The following RYR2 variants were observed in gnomAD, a reference collection of about 807,000 sequenced individuals.
The protein encoded by RYR2 is cardiac muscle ryanodine receptor-calcium release channel.
RYR2 carries 227 observed loss-of-function variants against 601.1 expected under a neutral mutation model. The observed-to-expected ratio is 0.38, with a 90% CI of 0.34 to 0.42. RYR2 has a LOEUF of 0.42. Among genes scored for constraint, RYR2 ranks in the 10% least tolerant of loss-of-function variants. The pLI is 1.00. For missense variants in RYR2, 4,646 were observed against 6,156.5 expected (o/e 0.75, Z 8.21); for synonymous variants, 2,223 against 2,175.1 (o/e 1.02, Z -0.61).
chr1:237,152,934 TTA>T (rs1455177791), intron 1 of RYR2, among the ~76,000 whole-genome samples: 1 of 152,134 alleles, frequency 6.6e-6, no homozygotes, highest in African/African-American at 2.4e-5. Flanking sequence ...TATCCAGAAT[TTA>T]CAAGGGACTT....
chr1:237,563,789 A>G (rs557941693), intron 27 of RYR2, among the ~76,000 whole-genome samples: 32 of 152,140 alleles, frequency 2.1e-4, no homozygotes, highest in Non-Finnish European at 4.1e-4. Context: ...GATTTGTGCT[A>G]ATATTAAAAT....
Position 237,793,959 on chromosome 1 carries a change from T to G in RYR2, c.13875T>G (p.Asp4625Glu), listed in dbSNP as rs375350387. 6.2e-7 allele frequency: 1 copy of G among 1,611,798 alleles called. No individual in the cohort carries two copies. The highest frequency in any genetic ancestry group is 1.3e-5 in the African/African-American group (1 of 74,880). ...LYITEQPSED[D>E]IKGQWDRLVI... ...TTACAGAACAGCCTTCAGAAGATGA[T>G]ATTAAAGGCCAGTGGGATAGACTCG... Residue 4625 changes from aspartate to glutamate, a missense_variant, in exon 95 of 105, where the codon GAT (aspartate) becomes GAG (glutamate). Physicochemically the swap from Asp to Glu is conservative, Grantham distance 45. Around this residue, in one of 17 missense-constraint regions of RYR2, gnomAD observed 37 missense variants for 102.8 expected, o/e 0.36. Coordinates refer to ENST00000366574, the MANE Select transcript of RYR2 (RefSeq NM_001035.3).
chr1:237,167,946 A>G (rs1437540212), intron 1 of RYR2, among the ~76,000 whole-genome samples: 2 of 152,122 alleles, frequency 1.3e-5, no homozygotes, highest in African/African-American at 4.8e-5. Context: ...AAAAATTTGC[A>G]TGTTAGGAGC....
At chr1:237,568,163 G>A (rs1672291953) in intron 28 of RYR2, among the ~76,000 whole-genome samples, 1 of 152,136 alleles carries the variant, frequency 6.6e-6, no homozygotes, top group South Asian at 2.1e-4. Context: ...TTGGGAACAG[G>A]CATGGGGTGG....
intron 31 of RYR2, 120 bp from the exon 32 acceptor site, chr1:237,591,619 G>C (rs1675210633): frequency 2.7e-6 from 2 of 745,406 alleles, no homozygotes; most frequent in East Asian, 5.5e-5. Flanking sequence ...GATATTCCCA[G>C]ATGTCCCCCA....
Position 237,569,156 on chromosome 1 carries a change from G to A in RYR2, c.3435G>A (p.Trp1145Ter). The change falls in exon 29 of 105, where the codon TGG becomes TGA. Residue 1145 changes from tryptophan (W) to a stop codon, truncating the protein, a stop_gained. Coordinates refer to ENST00000366574, the MANE Select transcript of RYR2 (RefSeq NM_001035.3). LOFTEE classifies it high-confidence loss of function. ...TGTCCTCTGTATAGGCCCAGCGGTGGCATCAGGGCAATGAACACTATGGGC... is the reference window on the plus strand; with the variant it reads ...TGTCCTCTGTATAGGCCCAGCGGTGACATCAGGGCAATGAACACTATGGGC... The part of the protein sequence containing the change: ...FAFDGFKAQR[W>*]HQGNEHYGRS... 6.2e-7 allele frequency: 1 copy of A among 1,613,454 alleles called. No homozygotes were observed.
intron 14 of RYR2, among the ~76,000 whole-genome samples, chr1:237,450,384 G>A (rs1657939352): frequency 6.6e-6 from 1 of 152,088 alleles, no homozygotes; most frequent in Admixed American, 6.5e-5. Context: ...CTGCTCCATG[G>A]CCTGGAAATT....
chr1:237,703,038 T>C (rs1462295873), intron 66 of RYR2, among the ~76,000 whole-genome samples: 2 of 152,018 alleles, frequency 1.3e-5, no homozygotes, highest in Non-Finnish European at 2.9e-5. Context: ...ATTTTTGACA[T>C]GTTGGCTGTT....
chr1:237,414,072 A>C (rs921586315), intron 10 of RYR2, among the ~76,000 whole-genome samples: 22 of 152,096 alleles, frequency 1.4e-4, no homozygotes, highest in Admixed American at 1.1e-3. Flanking sequence ...CGATGAGTAA[A>C]AGTCTTTAAA....
intron 12 of RYR2, among the ~76,000 whole-genome samples, chr1:237,427,613 T>A (rs996754118): frequency 1.5e-4 from 22 of 151,584 alleles, no homozygotes; most frequent in African/African-American, 5.3e-4. Context: ...TGAAACCCTG[T>A]CTCTACTAAA....
intron 34 of RYR2, among the ~76,000 whole-genome samples, chr1:237,598,223 C>T (rs1426913784): frequency 6.6e-6 from 1 of 152,118 alleles, no homozygotes; most frequent in Non-Finnish European, 1.5e-5. Flanking sequence ...TAGGGAAGTT[C>T]AACACCCCAC....
At chr1:237,430,186 T>A (rs148306430) in intron 12 of RYR2, among the ~76,000 whole-genome samples, 266 of 150,568 alleles carry the variant, frequency 1.8e-3, no homozygotes, top group Middle Eastern at 4.0e-3. Context: ...GTTTTATATG[T>A]TATATCCATA....
chr1:237,514,647 G>T (rs575240812), intron 24 of RYR2, among the ~76,000 whole-genome samples: 1 of 152,076 alleles, frequency 6.6e-6, no homozygotes, highest in East Asian at 1.9e-4. Flanking sequence ...TATTTAATTG[G>T]CAGGCCCCAG....
At chr1:237,167,987 C>G (rs1676907646) in intron 1 of RYR2, among the ~76,000 whole-genome samples, 1 of 152,142 alleles carries the variant, frequency 6.6e-6, no homozygotes, top group Non-Finnish European at 1.5e-5. Flanking sequence ...ATTTCTGTTT[C>G]TTAAAGCAAA....
At position 237,288,640 on chromosome 1, in the gene RYR2, G is replaced by C. The variant is rs569756397; in HGVS notation, c.168+18024G>C. 3.0e-4 allele frequency among the ~76,000 whole-genome samples: 46 copies of C among 152,130 alleles called. No homozygotes were observed. In the South Asian group the frequency reaches 7.1e-3, roughly 23 times the overall value. Reference sequence around the variant, plus strand: ...CACCCAGCTCCCACGCAAACAGAAGGGCCAGTCGTACTCCCACTGTGCCCC... The same window carrying C: ...CACCCAGCTCCCACGCAAACAGAAGCGCCAGTCGTACTCCCACTGTGCCCC... On this transcript the variant is annotated intron_variant, in intron 2 of 104. Coordinates refer to ENST00000366574, the MANE Select transcript of RYR2 (RefSeq NM_001035.3).
intron 17 of RYR2, among the ~76,000 whole-genome samples, chr1:237,489,382 C>T (rs2127154): frequency 0.33 from 50,611 of 152,058 alleles, 9,720 homozygotes; most frequent in African/African-American, 0.53. Flanking sequence ...TCAGGCTGGG[C>T]ACGGTGGCTC....
At chr1:237,329,548 A>G (rs927037313) in intron 2 of RYR2, among the ~76,000 whole-genome samples, 6 of 151,964 alleles carry the variant, frequency 3.9e-5, no homozygotes, top group Non-Finnish European at 7.4e-5. Context: ...AGGCTGAGAC[A>G]GAAGAATTGC....
At position 237,669,863 on chromosome 1, in the gene RYR2, C is replaced by T. The variant is rs1365952494; in HGVS notation, c.8590+1905C>T. On this transcript the variant is annotated intron_variant, in intron 58 of 104. Transcript: ENST00000366574. ...CAGATGATGGGCGGCCAGGCAGAGA[C>T]GCTCCTCACTTCCCAGACGGGGTGG... Among the ~76,000 whole-genome samples, 65 of 150,930 alleles carry T rather than the reference C, an allele frequency of 4.3e-4. 1 individual carries two copies. Among genetic ancestry groups the T allele is most frequent in the African/African-American group, 1.5e-3 (60 of 41,074 alleles).
chr1:237,229,128 G>A (rs996041865), intron 1 of RYR2, among the ~76,000 whole-genome samples: 10 of 65,096 alleles, frequency 1.5e-4, no homozygotes, highest in Non-Finnish European at 3.1e-4. Flanking sequence ...CTGTAGCATC[G>A]CATCTTCTCC....
Sources: gnomAD v4.1 joint callset for allele counts (sites outside exome capture counted in the v4.1 genomes callset) on GRCh38, gnomAD v4.1.1 for gene constraint, gnomAD v4.1.1 regional missense constraint, MANE v1.5 for transcripts, NCBI Gene and HGNC (gene_info 2026-07-23, HGNC 2026-07-21) for gene names.